TTC27: variants seen among roughly 807,000 people sequenced by gnomAD.
The protein encoded by TTC27 is tetratricopeptide repeat domain 27.
TTC27 carries 79 observed loss-of-function variants against 115.9 expected under a neutral mutation model. That is an observed-to-expected ratio of 0.68 (90% CI 0.57 to 0.82). The LOEUF is 0.82. Ranked by LOEUF, TTC27 falls within the 40% of genes least tolerant of loss-of-function variation. The pLI, the probability that TTC27 is intolerant of heterozygous loss-of-function variation, is 0.00. For synonymous variants in TTC27, 401 were observed against 356.0 expected (o/e 1.13, Z -1.42); for missense variants, 1,054 against 993.1 (o/e 1.06, Z -0.82).
chr2:32,714,710 G>A (rs920384067), intron 10 of TTC27, among the ~76,000 whole-genome samples: 10 of 152,018 alleles, frequency 6.6e-5, no homozygotes, highest in African/African-American at 2.4e-5. Context: ...TCCCATCAAC[G>A]GTATGTAAGT....
At position 32,666,747 on chromosome 2, in the gene TTC27, T is replaced by G. The variant is rs770686042; in HGVS notation, c.918T>G (p.Thr306=). ...LSNCEFTPAP[T]PQEHLTKNLE... Reference sequence around the variant, plus strand: ...ATTGTGAATTCACTCCAGCACCCACTCCTCAGGAACATTTAACCAAGGCAA... The same window carrying G: ...ATTGTGAATTCACTCCAGCACCCACGCCTCAGGAACATTTAACCAAGGCAA... Residue 306 remains threonine (T), a synonymous_variant, in exon 7 of 20, where the codon ACT becomes ACG. Coordinates refer to ENST00000317907, the MANE Select transcript of TTC27 (RefSeq NM_017735.5). 1 of 1,613,240 alleles carries G rather than the reference T, an allele frequency of 6.2e-7. No individual in the cohort carries two copies. Among genetic ancestry groups the G allele is most frequent in the African/African-American group, 1.3e-5 (1 of 74,918 alleles).
At chr2:32,704,954 C>T (rs1259731847) in intron 10 of TTC27, 3 of 470,222 alleles carry the variant, frequency 6.4e-6, no homozygotes, top group African/African-American at 2.0e-5. Context: ...AGTAAAGTTA[C>T]TCTACTCTTT....
chr2:32,804,383 C>T (rs933702646), intron 16 of TTC27, among the ~76,000 whole-genome samples: 4 of 152,242 alleles, frequency 2.6e-5, no homozygotes, highest in Admixed American at 2.6e-4. Flanking sequence ...ATAAAAAAGT[C>T]TTTAGGCACA....
intron 19 of TTC27, 83 bp from the exon 20 acceptor site, chr2:32,820,733 T>A: frequency 3.1e-6 from 4 of 1,293,478 alleles, no homozygotes; most frequent in Non-Finnish European, 4.0e-6. Flanking sequence ...GCAAAAGGTT[T>A]TTTAACTCTA....
chr2:32,679,749 T>A (rs1666350786), intron 9 of TTC27, among the ~76,000 whole-genome samples: 1 of 152,172 alleles, frequency 6.6e-6, no homozygotes, highest in Non-Finnish European at 1.5e-5. Context: ...TCCCAGCACT[T>A]TGAGAGGCCG....
intron 10 of TTC27, among the ~76,000 whole-genome samples, chr2:32,729,838 T>C (rs1668233551): frequency 1.3e-5 from 2 of 152,080 alleles, no homozygotes; most frequent in South Asian, 4.2e-4. Context: ...ATTTTTGACA[T>C]TATCATCTTT....
At chr2:32,767,951 A>G (rs1324387501) in intron 13 of TTC27, among the ~76,000 whole-genome samples, 1 of 152,224 alleles carries the variant, frequency 6.6e-6, no homozygotes, top group Non-Finnish European at 1.5e-5. Context: ...CTGACAATTA[A>G]CAATAAAGAA....
intron 9 of TTC27, among the ~76,000 whole-genome samples, chr2:32,691,305 CTTT>C (rs201773475): frequency 3.6e-5 from 5 of 140,040 alleles, no homozygotes; most frequent in Admixed American, 7.2e-5. Flanking sequence ...TGAATATTTA[CTTT>C]TTTTTTTTTT....
chr2:32,757,796 G>T (rs1452029939), intron 12 of TTC27, among the ~76,000 whole-genome samples: 2 of 152,130 alleles, frequency 1.3e-5, no homozygotes, highest in African/African-American at 2.4e-5. Context: ...GGGTTCAAGC[G>T]ATTTCTCCTG....
At position 32,628,140 on chromosome 2, in the gene TTC27, T is replaced by A; in HGVS notation, c.-153T>A. 1.4e-6 allele frequency: 1 copy of A among 690,648 alleles called. No homozygotes were observed. Among genetic ancestry groups the A allele is most frequent in the Non-Finnish European group, 2.5e-6 (1 of 405,342 alleles). The allele number at this position is 690,648 out of a possible 1,614,324, so 42.8% of individuals were successfully genotyped here. On this transcript the variant is annotated 5_prime_UTR_variant, in exon 1 of 20. Coordinates refer to ENST00000317907, the MANE Select transcript of TTC27 (RefSeq NM_017735.5). ...TTATGGCCGCCTCCTTGAGGTAGTA[T>A]CCGCACATGGAATTCTAGGGCCGCA...
intron 5 of TTC27, among the ~76,000 whole-genome samples, chr2:32,656,764 C>G (rs1173849115): frequency 2.0e-5 from 3 of 152,092 alleles, no homozygotes; most frequent in African/African-American, 7.2e-5. Flanking sequence ...CTTTTAAGGC[C>G]CCACCCTTCT....
intron 12 of TTC27, among the ~76,000 whole-genome samples, chr2:32,746,833 G>C (rs1668849513): frequency 6.6e-6 from 1 of 152,182 alleles, no homozygotes; most frequent in Non-Finnish European, 1.5e-5. Flanking sequence ...AAAGAGTGAA[G>C]AAGACTGAGG....
At chr2:32,695,413 A>T (rs928610519) in intron 9 of TTC27, among the ~76,000 whole-genome samples, 23 of 152,132 alleles carry the variant, frequency 1.5e-4, no homozygotes, top group African/African-American at 5.3e-4. Flanking sequence ...GTGAAATGCC[A>T]TCTCTACTAA....
In TTC27 at chr2:32,787,502, A is replaced by C. The variant is rs138930421; in HGVS notation, c.1998+353A>C. Among the ~76,000 whole-genome samples, 7 of 152,272 alleles carry C rather than the reference A, an allele frequency of 4.6e-5. No homozygotes were observed. In the East Asian group the frequency reaches 1.4e-3, roughly 29 times the overall value. ...ACTTTTGGTAGCTGGAATAAATCCT[A>C]TACTCACTTGTTCATTCATTTAACA... On this transcript the variant is annotated intron_variant, in intron 16 of 19. Coordinates refer to ENST00000317907, the MANE Select transcript of TTC27 (RefSeq NM_017735.5).
At chr2:32,761,791 G>T (rs997267272) in intron 13 of TTC27, among the ~76,000 whole-genome samples, 2 of 152,000 alleles carry the variant, frequency 1.3e-5, no homozygotes, top group South Asian at 2.1e-4. Flanking sequence ...CTTATGTATA[G>T]CTTACTTTTT....
intron 10 of TTC27, among the ~76,000 whole-genome samples, chr2:32,710,359 T>A (rs1667532178): frequency 6.6e-6 from 1 of 152,118 alleles, no homozygotes; most frequent in Admixed American, 6.6e-5. Flanking sequence ...AGGTCAGCAT[T>A]CATTTTTCTT....
At chr2:32,641,584 G>A (rs1273450686) in intron 4 of TTC27, among the ~76,000 whole-genome samples, 1 of 152,202 alleles carries the variant, frequency 6.6e-6, no homozygotes, top group Non-Finnish European at 1.5e-5. Flanking sequence ...TTGCAACCTG[G>A]TGTGCTGCAG....
chr2:32,770,369 A>T (rs1467125142), intron 13 of TTC27, among the ~76,000 whole-genome samples: 3 of 152,222 alleles, frequency 2.0e-5, no homozygotes, highest in Admixed American at 6.5e-5. Context: ...TGGGGCTGGG[A>T]TTTCAACCTG....
rs572082999 is a variant in TTC27 at position 32,631,839 on chromosome 2, A to G, written c.266+1139A>G. ...TTTTCTTTTTTTTTTTTGATGGAGT[A>G]TCACTCTGTTGCCCAGGCTGGAGTG... On this transcript the variant is annotated intron_variant, in intron 2 of 19. Transcript: ENST00000317907. Among the ~76,000 whole-genome samples the G allele has an allele frequency of 2.7e-5, 4 of 150,028 alleles. No individual in the cohort carries two copies. In the South Asian group the frequency reaches 8.4e-4, roughly 31 times the overall value.
Sources: allele counts gnomAD v4.1 joint callset (sites outside exome capture counted in the v4.1 genomes callset), GRCh38; gene constraint gnomAD v4.1.1; transcripts MANE v1.5; gene names NCBI Gene and HGNC (gene_info 2026-07-23, HGNC 2026-07-21).